CSMD3: variants seen among roughly 807,000 people sequenced by gnomAD.
CSMD3 encodes CUB and sushi domain-containing protein 3.
CSMD3 carries 177 observed loss-of-function variants against 435.2 expected under a neutral mutation model. The observed-to-expected ratio is 0.41, with a 90% CI of 0.36 to 0.46. The LOEUF (loss-of-function observed/expected upper bound fraction) is 0.46. Among genes scored for constraint, CSMD3 ranks in the 20% least tolerant of loss-of-function variants. The pLI, the probability that CSMD3 is intolerant of heterozygous loss-of-function variation, is 0.34. For synonymous variants in CSMD3, 1,656 were observed against 1,520.5 expected, an observed-to-expected ratio of 1.09 and a Z score of -2.07; for missense variants, 4,265 against 4,504.6, an observed-to-expected ratio of 0.95 and a Z score of 1.52.
chr8:112,274,836 T>C (rs2130513746), intron 59 of CSMD3, among the ~76,000 whole-genome samples: 1 of 152,310 alleles, frequency 6.6e-6, no homozygotes, highest in African/African-American at 2.4e-5. Context: ...TTACAACACT[T>C]GAAGTAGTAA....
chr8:113,129,326 G>A (rs141793266), intron 4 of CSMD3, among the ~76,000 whole-genome samples: 38 of 152,184 alleles, frequency 2.5e-4, no homozygotes, highest in Admixed American at 1.3e-3. Flanking sequence ...AGTATAATAC[G>A]TAGAGATGAT....
At chr8:112,292,080 G>A (rs1480795567) in intron 55 of CSMD3, among the ~76,000 whole-genome samples, 1 of 151,988 alleles carries the variant, frequency 6.6e-6, no homozygotes, top group Admixed American at 6.6e-5. Flanking sequence ...ACATCGAAGA[G>A]TTCTCCTTAA....
At chr8:113,122,118 C>G (rs1010376392) in intron 4 of CSMD3, among the ~76,000 whole-genome samples, 5 of 152,088 alleles carry the variant, frequency 3.3e-5, no homozygotes, top group African/African-American at 1.2e-4. Flanking sequence ...ACCTTCATTT[C>G]TACTCAAAGT....
chr8:113,265,909 G>A (rs895425356), intron 3 of CSMD3, among the ~76,000 whole-genome samples: 9 of 151,250 alleles, frequency 6.0e-5, no homozygotes, highest in African/African-American at 7.3e-5. Context: ...ACATTTCCTC[G>A]TATTCTGTTT....
intron 13 of CSMD3, among the ~76,000 whole-genome samples, chr8:112,758,986 A>G (rs542389703): frequency 4.5e-4 from 68 of 152,294 alleles, no homozygotes; most frequent in Admixed American, 3.7e-3. Context: ...CAAAATAATA[A>G]TTCAAAGACA....
At chr8:112,339,077 C>G (rs1452602763) in intron 42 of CSMD3, among the ~76,000 whole-genome samples, 1 of 151,984 alleles carries the variant, frequency 6.6e-6, no homozygotes, top group Non-Finnish European at 1.5e-5. Context: ...CTTTCCACAA[C>G]TTAGTAATAA....
At chr8:112,666,493 C>T in intron 16 of CSMD3, 78 bp from the exon 17 acceptor site, 1 of 1,296,194 alleles carries the variant, frequency 7.7e-7, no homozygotes, top group Non-Finnish European at 1.1e-6. Context: ...CAAACAATTT[C>T]AAAAACAAGT....
At chr8:112,654,280 T>C (rs2075203368) in intron 18 of CSMD3, among the ~76,000 whole-genome samples, 1 of 152,140 alleles carries the variant, frequency 6.6e-6, no homozygotes, top group Non-Finnish European at 1.5e-5. Context: ...TGGGAAACAG[T>C]AAGAAAGAGA....
intron 10 of CSMD3, among the ~76,000 whole-genome samples, chr8:112,915,863 T>C (rs980891526): frequency 4.6e-5 from 7 of 151,856 alleles, no homozygotes; most frequent in African/African-American, 1.7e-4. Context: ...TTTCAGGAAC[T>C]GAGGCAAATT....
intron 13 of CSMD3, among the ~76,000 whole-genome samples, chr8:112,794,725 C>T (rs1404097244): frequency 6.6e-6 from 1 of 151,796 alleles, no homozygotes; most frequent in Non-Finnish European, 1.5e-5. Context: ...GAAAGAACTG[C>T]CAGTCAGGGA....
At chr8:112,351,064 CATGAT>C (rs1413823416) in intron 40 of CSMD3, 106 bp downstream of exon 40, 1 of 651,756 alleles carries the variant, frequency 1.5e-6, no homozygotes, top group African/African-American at 1.8e-5. Context: ...GTTTGAAAAT[CATGAT>C]ATACAGAATG....
intron 35 of CSMD3, among the ~76,000 whole-genome samples, chr8:112,400,616 T>C (rs1831242790): frequency 6.6e-6 from 1 of 152,010 alleles, no homozygotes; most frequent in African/African-American, 2.4e-5. Context: ...TCTGGCTGAA[T>C]CTAGGTTGAG....
intron 47 of CSMD3, 112 bp from the exon 48 acceptor site, chr8:112,314,729 C>A (rs989227953): frequency 2.6e-6 from 2 of 759,464 alleles, no homozygotes; most frequent in Non-Finnish European, 4.6e-6. Context: ...AAGGATGATA[C>A]GTTGAATTAT....
chr8:112,407,011 T>A (rs921851567), intron 34 of CSMD3, among the ~76,000 whole-genome samples: 1 of 151,916 alleles, frequency 6.6e-6, no homozygotes, highest in Non-Finnish European at 1.5e-5. Flanking sequence ...TACAAAATAG[T>A]TTTAGTTAGA....
chr8:113,113,387 A>G (rs1420728952), intron 4 of CSMD3, among the ~76,000 whole-genome samples: 1 of 152,206 alleles, frequency 6.6e-6, no homozygotes, highest in Non-Finnish European at 1.5e-5. Flanking sequence ...CCTCTGAGGA[A>G]ATGAATAAAT....
At chr8:113,131,213 T>G (rs1188654227) in intron 4 of CSMD3, among the ~76,000 whole-genome samples, 1 of 152,080 alleles carries the variant, frequency 6.6e-6, no homozygotes, top group Non-Finnish European at 1.5e-5. Context: ...GAAATTTGAA[T>G]GAATAACAAG....
chr8:113,041,297 G>A (rs952609259), intron 5 of CSMD3, among the ~76,000 whole-genome samples: 2 of 151,722 alleles, frequency 1.3e-5, no homozygotes, highest in African/African-American at 2.4e-5. Context: ...GTACCCCTCT[G>A]TACATTAGGG....
intron 7 of CSMD3, among the ~76,000 whole-genome samples, chr8:112,968,089 G>A (rs978096417): frequency 6.6e-6 from 1 of 151,394 alleles, no homozygotes; most frequent in Admixed American, 6.6e-5. Context: ...GTGGGCATTG[G>A]GCCCAGAAAA....
intron 16 of CSMD3, among the ~76,000 whole-genome samples, chr8:112,670,060 A>G (rs1337806353): frequency 1.3e-5 from 2 of 152,144 alleles, no homozygotes; most frequent in East Asian, 1.9e-4. Flanking sequence ...TAACAAAGGT[A>G]TGTCCACAGT....
Sources: allele counts gnomAD v4.1 joint callset (sites outside exome capture counted in the v4.1 genomes callset), GRCh38; gene constraint gnomAD v4.1.1; transcripts MANE v1.5; gene names NCBI Gene and HGNC (gene_info 2026-07-23, HGNC 2026-07-21).